NCOA7: variants seen among roughly 807,000 people sequenced by gnomAD.
The protein encoded by NCOA7 is 140 kDa estrogen receptor-associated protein.
A neutral mutation model predicts 104.3 loss-of-function variants in NCOA7; 45 were observed. That is an observed-to-expected ratio of 0.43 (90% confidence interval 0.34 to 0.55). NCOA7 has a LOEUF of 0.55. NCOA7 is among the 20% of genes least tolerant of loss of function. The probability of loss-of-function intolerance (pLI) is 0.02; values close to 1 mark genes in which losing one functional copy is unlikely to be tolerated. For missense variants in NCOA7, 1,041 were observed against 1,119.7 expected (o/e 0.93, Z 1.00); for synonymous variants, 398 against 402.3 (o/e 0.99, Z 0.13).
chr6:125,923,834 C>T (rs995372994), intron 13 of NCOA7, among the ~76,000 whole-genome samples: 7 of 152,162 alleles, frequency 4.6e-5, no homozygotes, highest in Non-Finnish European at 1.0e-4. Flanking sequence ...GATCATTTTA[C>T]AGGAAATAGA....
At chr6:125,829,166 TA>T (rs1358218866) in intron 2 of NCOA7, among the ~76,000 whole-genome samples, 5 of 152,056 alleles carry the variant, frequency 3.3e-5, no homozygotes, top group Non-Finnish European at 7.4e-5. Context: ...CATTTTTCCA[TA>T]AAAAATTTTT....
intron 6 of NCOA7, among the ~76,000 whole-genome samples, chr6:125,881,548 G>A (rs910148912): frequency 6.6e-6 from 1 of 151,826 alleles, no homozygotes; most frequent in Non-Finnish European, 1.5e-5. Flanking sequence ...GCTCAAACCT[G>A]TAGTCCCACC....
chr6:125,895,257 C>G (rs4895801), intron 10 of NCOA7, among the ~76,000 whole-genome samples: 63,237 of 151,970 alleles, frequency 0.42, 13,638 homozygotes, highest in Admixed American at 0.55. Context: ...TGTAGAGTTT[C>G]TCAAGCCATG....
chr6:125,866,354 A>G (rs1782445511), intron 3 of NCOA7, among the ~76,000 whole-genome samples: 1 of 152,160 alleles, frequency 6.6e-6, no homozygotes, highest in Admixed American at 6.6e-5. Flanking sequence ...AAAAAGATAT[A>G]TAACTTTATT....
intron 10 of NCOA7, among the ~76,000 whole-genome samples, chr6:125,911,810 A>G (rs1305272395): frequency 6.6e-6 from 1 of 152,158 alleles, no homozygotes; most frequent in Non-Finnish European, 1.5e-5. Context: ...AACCCGGTCC[A>G]TGGTTGGGAT....
chr6:125,910,519 C>T (rs572286904), intron 10 of NCOA7, among the ~76,000 whole-genome samples: 1 of 152,114 alleles, frequency 6.6e-6, no homozygotes, highest in Non-Finnish European at 1.5e-5. Flanking sequence ...TGATTTATTT[C>T]ATGTTTTCTA....
At chr6:125,785,742 C>T (rs373051456) in intron 1 of NCOA7, among the ~76,000 whole-genome samples, 241 of 152,146 alleles carry the variant, frequency 1.6e-3, no homozygotes, top group African/African-American at 5.7e-3. Flanking sequence ...AATAAGACAA[C>T]AGGAAATTAT....
chr6:125,849,991 T>C (rs1469249076), intron 2 of NCOA7, among the ~76,000 whole-genome samples: 1 of 152,138 alleles, frequency 6.6e-6, no homozygotes, highest in Non-Finnish European at 1.5e-5. Flanking sequence ...CAAGACCAAT[T>C]TTTTTCAGTT....
At chr6:125,811,132 A>G (rs936602873) in intron 1 of NCOA7, among the ~76,000 whole-genome samples, 2 of 152,224 alleles carry the variant, frequency 1.3e-5, no homozygotes, top group Non-Finnish European at 2.9e-5. Flanking sequence ...GACCCAGGGC[A>G]GGGCAGAGAG....
At chr6:125,867,316 T>C (rs1408794765) in intron 3 of NCOA7, among the ~76,000 whole-genome samples, 1 of 152,258 alleles carries the variant, frequency 6.6e-6, no homozygotes, top group African/African-American at 2.4e-5. Flanking sequence ...TTAAAACTTT[T>C]CATCTGTTGC....
chr6:125,872,089 G>A (rs544881893), intron 3 of NCOA7, among the ~76,000 whole-genome samples: 31 of 151,550 alleles, frequency 2.0e-4, no homozygotes, highest in Non-Finnish European at 3.7e-4. Context: ...CTTAGACTCT[G>A]AAGGGAAGGC....
At chr6:125,786,017 C>G (rs1271791730), upstream of NCOA7, 1 of 152,188 alleles carries the variant, frequency 6.6e-6, no homozygotes, top group Non-Finnish European at 1.5e-5. Context: ...AGGACACTTA[C>G]ATTTTTCTCA....
At chr6:125,848,939 T>C (rs1449791489) in intron 2 of NCOA7, among the ~76,000 whole-genome samples, 1 of 152,178 alleles carries the variant, frequency 6.6e-6, no homozygotes, top group Admixed American at 6.6e-5. Flanking sequence ...AGAGCACATC[T>C]CAACCAAATC....
chr6:125,831,304 A>G (rs1294037855), intron 2 of NCOA7, among the ~76,000 whole-genome samples: 2 of 152,096 alleles, frequency 1.3e-5, no homozygotes, highest in South Asian at 2.1e-4. Context: ...AAAGATAATT[A>G]TGTTCATTTA....
chr6:125,790,022 T>G (rs1473836274), upstream of NCOA7, among the ~76,000 whole-genome samples: 5 of 152,192 alleles, frequency 3.3e-5, no homozygotes, highest in African/African-American at 1.2e-4. Context: ...GCCCCGCAGC[T>G]GATGCAAACC....
At chr6:125,811,941 G>C (rs1445934178) in intron 1 of NCOA7, among the ~76,000 whole-genome samples, 1 of 152,180 alleles carries the variant, frequency 6.6e-6, no homozygotes, top group Non-Finnish European at 1.5e-5. Context: ...GGCTCCAAAG[G>C]TTATTGAAAG....
chr6:125,915,618 T>G, intron 11 of NCOA7, 138 bp downstream of exon 11: 2 of 1,042,602 alleles, frequency 1.9e-6, no homozygotes, highest in Non-Finnish European at 1.4e-6. Flanking sequence ...AATAACTTTA[T>G]TCCTCCGTTT....
intron 13 of NCOA7, among the ~76,000 whole-genome samples, chr6:125,925,523 A>G (rs1787946447): frequency 6.6e-6 from 1 of 152,268 alleles, no homozygotes; most frequent in Admixed American, 6.5e-5. Flanking sequence ...TCAGGCAATT[A>G]ATAGAGACTA....
At chr6:125,820,955 G>T (rs573930287) in intron 2 of NCOA7, among the ~76,000 whole-genome samples, 5 of 152,302 alleles carry the variant, frequency 3.3e-5, no homozygotes, top group African/African-American at 1.2e-4. Flanking sequence ...TGAGGTGAAA[G>T]GGTCCATGAT....
Sources: gnomAD v4.1 joint callset for allele counts (sites outside exome capture counted in the v4.1 genomes callset) on GRCh38, gnomAD v4.1.1 for gene constraint, MANE v1.5 for transcripts, NCBI Gene and HGNC (gene_info 2026-07-23, HGNC 2026-07-21) for gene names.